Variants in OSBPL9 observed in about 807,000 individuals in gnomAD.
OSBPL9 encodes oxysterol binding protein like 9.
Under a neutral mutation model 106.6 loss-of-function variants are expected in OSBPL9, and 40 were observed. The ratio of observed to expected loss-of-function variants is 0.38; its 90% CI spans 0.29 to 0.49. The LOEUF is 0.49. Ranked by LOEUF, OSBPL9 falls within the 20% of genes least tolerant of loss-of-function variation. OSBPL9 has a pLI of 0.97. For missense variants in OSBPL9, 609 were observed against 887.2 expected, an observed-to-expected ratio of 0.69 and a Z score of 3.98; for synonymous variants, 269 against 295.4, an observed-to-expected ratio of 0.91 and a Z score of 0.92.
chr1:51,712,455 TTCTA>T (rs1334151070), intron 3 of OSBPL9, among the ~76,000 whole-genome samples: 1 of 152,142 alleles, frequency 6.6e-6, no homozygotes, highest in African/African-American at 2.4e-5. Flanking sequence ...CTTCTATATT[TTCTA>T]TCTCTTTGAC....
rs1265216476 is a variant in OSBPL9, at chr1:51,760,790, G to T, written c.673+10G>T. ...ACTGTGTTACCTCCAGGTAATTTGG[G>T]AAAATGTTTCTTAGATTCATTGATG... On this transcript the variant is annotated intron_variant, in intron 10 of 23. Transcript: ENST00000428468. 2.5e-6 allele frequency: 4 copies of T among 1,613,306 alleles called. No individual in the cohort carries two copies. Among genetic ancestry groups the T allele is most frequent in the Non-Finnish European group, 3.4e-6 (4 of 1,179,520 alleles).
At chr1:51,695,508 T>C (rs1655833120) in intron 3 of OSBPL9, among the ~76,000 whole-genome samples, 1 of 152,218 alleles carries the variant, frequency 6.6e-6, no homozygotes, top group Admixed American at 6.5e-5. Flanking sequence ...TGGACCCAAG[T>C]TTCCTGACCA....
intron 4 of OSBPL9, among the ~76,000 whole-genome samples, chr1:51,733,679 G>A (rs1571401386): frequency 6.6e-6 from 1 of 152,064 alleles, no homozygotes; most frequent in African/African-American, 2.4e-5. Context: ...GGGGGCTGAG[G>A]CAGGAGAATT....
intron 3 of OSBPL9, among the ~76,000 whole-genome samples, chr1:51,697,753 T>C (rs7523255): frequency 5.0e-4 from 75 of 150,820 alleles, no homozygotes; most frequent in African/African-American, 1.8e-3. Context: ...TGATTAGATA[T>C]GTAATAAATG....
chr1:51,742,296 T>A (rs1667100063), intron 4 of OSBPL9, among the ~76,000 whole-genome samples: 1 of 152,176 alleles, frequency 6.6e-6, no homozygotes, highest in South Asian at 2.1e-4. Context: ...ACTCCCAGCT[T>A]ACTTGTTCTC....
At chr1:51,713,613 T>C (rs1660518897) in intron 3 of OSBPL9, among the ~76,000 whole-genome samples, 1 of 152,212 alleles carries the variant, frequency 6.6e-6, no homozygotes, top group Non-Finnish European at 1.5e-5. Flanking sequence ...CCATGAGAAG[T>C]GTCCCTAAAT....
At chr1:51,718,641 G>T (rs1181923471) in intron 4 of OSBPL9, among the ~76,000 whole-genome samples, 1 of 152,168 alleles carries the variant, frequency 6.6e-6, no homozygotes, top group Non-Finnish European at 1.5e-5. Context: ...AAGCAAGATG[G>T]TTGTATCTAT....
At chr1:51,722,666 TC>T (rs1662371500) in intron 4 of OSBPL9, among the ~76,000 whole-genome samples, 1 of 152,242 alleles carries the variant, frequency 6.6e-6, no homozygotes, top group Non-Finnish European at 1.5e-5. Flanking sequence ...AATATTTCTT[TC>T]TGTTGGATAA....
At chr1:51,654,034 A>T (rs1438723579) in intron 2 of OSBPL9, among the ~76,000 whole-genome samples, 1 of 151,998 alleles carries the variant, frequency 6.6e-6, no homozygotes, top group Non-Finnish European at 1.5e-5. Flanking sequence ...AAAAAAAGGA[A>T]TCCAGACCCT....
intron 1 of OSBPL9, 54 bp downstream of exon 1, chr1:51,617,275 G>A (rs1244833699): frequency 4.8e-5 from 74 of 1,527,852 alleles, no homozygotes; most frequent in Non-Finnish European, 6.2e-5. Context: ...TTTCCTGGGT[G>A]GAGGTGGGGG....
chr1:51,597,915 T>A (rs148622160), intron 1 of OSBPL9, among the ~76,000 whole-genome samples: 1 of 152,312 alleles, frequency 6.6e-6, no homozygotes, highest in East Asian at 1.9e-4. Flanking sequence ...CAATCCTTGC[T>A]CTCCAGGAAT....
chr1:51,552,161 C>T, the OSBPL9 span, among the ~76,000 whole-genome samples: 32 of 152,210 alleles, frequency 2.1e-4, no homozygotes, highest in Admixed American at 1.6e-3. Flanking sequence ...TCTAGATGAG[C>T]GATCTGAGGT....
chr1:51,681,681 G>GT (rs1042870156), intron 3 of OSBPL9, among the ~76,000 whole-genome samples: 1 of 151,996 alleles, frequency 6.6e-6, no homozygotes, highest in African/African-American at 2.4e-5. Context: ...TGAGTATAAG[G>GT]TTGCCCCTCA....
chr1:51,746,238 T>C (rs1211742676), intron 5 of OSBPL9, among the ~76,000 whole-genome samples: 2 of 152,154 alleles, frequency 1.3e-5, no homozygotes, highest in Non-Finnish European at 2.9e-5. Flanking sequence ...CACCGTGCCC[T>C]GCCTAGTGGC....
intron 8 of OSBPL9, among the ~76,000 whole-genome samples, chr1:51,752,147 G>A (rs747311104): frequency 3.9e-5 from 6 of 151,938 alleles, no homozygotes; most frequent in Non-Finnish European, 8.8e-5. Context: ...TACGTTCACT[G>A]CCCTCTTACC....
At chr1:51,519,152 A>T in the OSBPL9 span, 138 of 1,351,628 alleles carry the variant, frequency 1.0e-4, no homozygotes, top group African/African-American at 1.8e-3. Context: ...GCGGTGGGGG[A>T]GGGGGCACCG....
intron 6 of OSBPL9, 68 bp from the exon 7 acceptor site, chr1:51,748,301 C>T: frequency 6.8e-7 from 1 of 1,480,348 alleles, no homozygotes; most frequent in South Asian, 1.4e-5. Context: ...AAATGACTAG[C>T]CAGTAAAAAA....
At chr1:51,574,420 C>A (rs1412056059), upstream of OSBPL9, among the ~76,000 whole-genome samples, 1 of 151,756 alleles carries the variant, frequency 6.6e-6, no homozygotes, top group Non-Finnish European at 1.5e-5. Flanking sequence ...GAGTTCGAGA[C>A]CAGCCTGGCC....
In OSBPL9 at chr1:51,760,745, T is replaced by G; in HGVS notation, c.638T>G (p.Ile213Ser). The change falls in exon 10 of 24, where the codon ATC (isoleucine) becomes AGC (serine). Residue 213 changes from isoleucine to serine, a missense_variant. Around this residue, in one of 5 missense-constraint regions of OSBPL9, gnomAD observed 356 missense variants for 505.8 expected, o/e 0.70. Coordinates refer to ENST00000428468, the MANE Select transcript of OSBPL9 (RefSeq NM_024586.6). ...IYQPSPLEPVISTMPSQTVLP... is the reference protein window; with the variant it reads ...IYQPSPLEPVSSTMPSQTVLP... Reference sequence around the variant, plus strand: ...CAACCTAGTCCTTTGGAACCTGTGATCAGCACAATGCCTTCCCAGACTGTG... The same window carrying G: ...CAACCTAGTCCTTTGGAACCTGTGAGCAGCACAATGCCTTCCCAGACTGTG... 1 of 1,613,942 alleles carries G rather than the reference T, an allele frequency of 6.2e-7. No homozygotes were observed. The highest frequency in any genetic ancestry group is 8.5e-7 in the Non-Finnish European group (1 of 1,179,872).
Sources: allele counts gnomAD v4.1 joint callset (sites outside exome capture counted in the v4.1 genomes callset), GRCh38; gene constraint gnomAD v4.1.1; regional missense constraint gnomAD v4.1.1; transcripts MANE v1.5; gene names NCBI Gene and HGNC (gene_info 2026-07-23, HGNC 2026-07-21).